Variants in COL24A1 observed in about 807,000 individuals in gnomAD.
The protein encoded by COL24A1 is collagen alpha-1(XXIV) chain.
In COL24A1, 224 loss-of-function variants were observed where a neutral mutation model predicts 253.9. That is an observed-to-expected ratio of 0.88 (90% CI 0.79 to 0.99). The LOEUF is 0.99. Ranked by LOEUF, COL24A1 falls within the 50% of genes least tolerant of loss-of-function variation. COL24A1 has a pLI of 0.00. For synonymous variants in COL24A1, 685 were observed against 673.7 expected (o/e 1.02, Z -0.26); for missense variants, 2,131 against 2,068.5 (o/e 1.03, Z -0.59).
chr1:86,048,615 C>G (rs951723777), intron 11 of COL24A1, among the ~76,000 whole-genome samples: 1 of 152,006 alleles, frequency 6.6e-6, no homozygotes, highest in East Asian at 1.9e-4. Context: ...CTCAGCCTCC[C>G]AAGTAGTTGG....
At chr1:86,072,425 C>A (rs2101848275) in intron 7 of COL24A1, among the ~76,000 whole-genome samples, 1 of 152,252 alleles carries the variant, frequency 6.6e-6, no homozygotes, top group South Asian at 2.1e-4. Flanking sequence ...CTGCTATTGC[C>A]AGACTGCCTC....
At chr1:86,004,600 T>C (rs1322137909) in intron 19 of COL24A1, among the ~76,000 whole-genome samples, 4 of 152,118 alleles carry the variant, frequency 2.6e-5, no homozygotes, top group Admixed American at 6.5e-5. Context: ...TTGTCCCAAA[T>C]AGGATGAACA....
intron 43 of COL24A1, among the ~76,000 whole-genome samples, chr1:85,833,218 C>T (rs931605324): frequency 2.6e-5 from 4 of 152,162 alleles, no homozygotes; most frequent in African/African-American, 7.2e-5. Context: ...GCAACCTACT[C>T]ATCTGACAAA....
chr1:85,837,325 AAG>A (rs964677582), intron 43 of COL24A1, among the ~76,000 whole-genome samples: 1 of 152,220 alleles, frequency 6.6e-6, no homozygotes, highest in Non-Finnish European at 1.5e-5. Context: ...ATCTGCTTCA[AAG>A]AGAGTTTTAG....
intron 14 of COL24A1, among the ~76,000 whole-genome samples, chr1:86,023,777 A>G (rs1050881030): frequency 2.6e-5 from 4 of 152,122 alleles, no homozygotes; most frequent in African/African-American, 9.7e-5. Context: ...AAGGGTATGA[A>G]AGAAAAATTT....
intron 10 of COL24A1, among the ~76,000 whole-genome samples, chr1:86,053,565 A>G (rs558711444): frequency 6.6e-6 from 1 of 152,204 alleles, no homozygotes; most frequent in East Asian, 1.9e-4. Context: ...ATTAAAAATA[A>G]TAACACATGT....
intron 43 of COL24A1, among the ~76,000 whole-genome samples, chr1:85,825,574 C>A (rs1454289476): frequency 2.6e-5 from 4 of 151,440 alleles, no homozygotes; most frequent in African/African-American, 9.7e-5. Flanking sequence ...TCCACATCCT[C>A]TCCAGCACCT....
At chr1:85,911,564 C>T (rs1685373429) in intron 24 of COL24A1, 131 bp from the exon 25 acceptor site, 1 of 774,048 alleles carries the variant, frequency 1.3e-6, no homozygotes, top group Non-Finnish European at 2.2e-6. Context: ...AGTAAAATTC[C>T]TCCTTGTATA....
intron 24 of COL24A1, among the ~76,000 whole-genome samples, chr1:85,912,558 G>T (rs1390956276): frequency 6.6e-6 from 1 of 152,138 alleles, no homozygotes; most frequent in African/African-American, 2.4e-5. Flanking sequence ...TTTATCTAAT[G>T]CATTGAGCAT....
At chr1:85,809,750 T>G (rs889378133) in intron 47 of COL24A1, among the ~76,000 whole-genome samples, 2 of 148,448 alleles carry the variant, frequency 1.3e-5, no homozygotes, top group Non-Finnish European at 3.0e-5. Flanking sequence ...ATTATGGAGA[T>G]ATATATATAT....
intron 41 of COL24A1, among the ~76,000 whole-genome samples, chr1:85,841,541 T>C (rs1384305063): frequency 6.6e-6 from 1 of 152,188 alleles, no homozygotes; most frequent in Non-Finnish European, 1.5e-5. Flanking sequence ...ATTTCAATGA[T>C]ATTGTAAATT....
chr1:85,904,221 T>C (rs1253297686), intron 28 of COL24A1, among the ~76,000 whole-genome samples: 1 of 152,190 alleles, frequency 6.6e-6, no homozygotes, highest in Non-Finnish European at 1.5e-5. Context: ...TATGCCTCTA[T>C]ACTGCCCCTC....
intron 14 of COL24A1, among the ~76,000 whole-genome samples, chr1:86,023,414 A>G (rs1364701395): frequency 1.3e-5 from 2 of 152,124 alleles, no homozygotes; most frequent in East Asian, 1.9e-4. Flanking sequence ...TTATTCAGCA[A>G]ATATTTTTTG....
intron 24 of COL24A1, among the ~76,000 whole-genome samples, chr1:85,923,095 G>A (rs1374960588): frequency 6.6e-6 from 1 of 152,082 alleles, no homozygotes; most frequent in Non-Finnish European, 1.5e-5. Context: ...AATGGTAAAG[G>A]GATCAATTCC....
At chr1:85,763,643 C>T (rs1667065932) in intron 53 of COL24A1, among the ~76,000 whole-genome samples, 1 of 151,680 alleles carries the variant, frequency 6.6e-6, no homozygotes, top group South Asian at 2.1e-4. Flanking sequence ...AGGCGTGCGC[C>T]ACCACTCCTG....
chr1:85,770,617 T>G (rs530205673), intron 53 of COL24A1, among the ~76,000 whole-genome samples: 1 of 152,256 alleles, frequency 6.6e-6, no homozygotes, highest in Admixed American at 6.5e-5. Flanking sequence ...AATAACCTTT[T>G]TACTATCTAT....
intron 37 of COL24A1, among the ~76,000 whole-genome samples, 169 bp downstream of exon 37, chr1:85,868,350 G>A (rs1680019937): frequency 6.6e-6 from 1 of 152,122 alleles, no homozygotes; most frequent in African/African-American, 2.4e-5. Context: ...TGGATCTTAG[G>A]AGGGCTGATA....
In COL24A1 at chr1:85,807,177, T is replaced by C. The variant is rs540586681; in HGVS notation, c.3951+9611A>G. Reference sequence around the variant, plus strand: ...TTGGCAATTTGAAGCCTGGACTCGATTGTGGCCTACAGTCAATGAGGTTGA... The same window carrying C: ...TTGGCAATTTGAAGCCTGGACTCGACTGTGGCCTACAGTCAATGAGGTTGA... On this transcript the variant is annotated intron_variant, in intron 47 of 59. Transcript: ENST00000370571. Among the ~76,000 whole-genome samples, 408 of 152,310 alleles carry C rather than the reference T, an allele frequency of 2.7e-3. 1 individual carries two copies. The highest frequency in any genetic ancestry group is 3.8e-3 in the Non-Finnish European group (259 of 68,030).
At chr1:85,875,431 G>C in intron 33 of COL24A1, 101 bp from the exon 34 acceptor site, 1 of 836,996 alleles carries the variant, frequency 1.2e-6, no homozygotes, top group East Asian at 2.5e-5. Flanking sequence ...GTCCAAAAGG[G>C]CATAATTGCT....
Sources: gnomAD v4.1 joint callset for allele counts (sites outside exome capture counted in the v4.1 genomes callset) on GRCh38, gnomAD v4.1.1 for gene constraint, MANE v1.5 for transcripts, NCBI Gene and HGNC (gene_info 2026-07-23, HGNC 2026-07-21) for gene names.